Variants in ZBTB20 observed in about 807,000 individuals in gnomAD.
ZBTB20 encodes zinc finger and BTB domain-containing protein 20.
ZBTB20 carries 9 observed loss-of-function variants against 56.9 expected under a neutral mutation model. That is an observed-to-expected ratio of 0.16 (90% CI 0.10 to 0.28). The LOEUF (loss-of-function observed/expected upper bound fraction) is 0.28, where lower values mean the gene tolerates loss of function less well. Among genes scored for constraint, ZBTB20 ranks in the 10% least tolerant of loss-of-function variants. The pLI is 1.00. For synonymous variants in ZBTB20, 417 were observed against 420.7 expected (o/e 0.99, Z 0.11); for missense variants, 655 against 1,003.0 (o/e 0.65, Z 4.69).
intron 3 of ZBTB20, among the ~76,000 whole-genome samples, chr3:114,902,832 A>AC (rs2075173781): frequency 6.6e-6 from 1 of 152,200 alleles, no homozygotes; most frequent in Admixed American, 6.6e-5. Flanking sequence ...TCCTGCTAAA[A>AC]GACACTGTTA....
At chr3:114,492,889 A>T (rs1239844441) in intron 7 of ZBTB20, among the ~76,000 whole-genome samples, 3 of 152,210 alleles carry the variant, frequency 2.0e-5, no homozygotes, top group African/African-American at 7.2e-5. Context: ...TTATATGCAC[A>T]TGAGTATGTG....
At chr3:114,915,602 ATTAT>A (rs1346019155) in intron 3 of ZBTB20, among the ~76,000 whole-genome samples, 1 of 151,528 alleles carries the variant, frequency 6.6e-6, no homozygotes, top group Non-Finnish European at 1.5e-5. Context: ...ACTGATCTTT[ATTAT>A]TTATTTAATT....
Position 114,777,256 on chromosome 3 carries a change from C to T in ZBTB20, c.-343+23845G>A, listed in dbSNP as rs191179646. Among the ~76,000 whole-genome samples, 291 of 152,128 alleles carry T rather than the reference C, an allele frequency of 1.9e-3. 2 individuals are homozygous for T. The highest frequency in any genetic ancestry group is 6.8e-3 in the African/African-American group (282 of 41,516). On this transcript the variant is annotated intron_variant, in intron 5 of 11. Transcript: ENST00000675478. Reference sequence around the variant, plus strand: ...TAACTTGGCTGGGCATGGTGGCTCACACCTGTAATCCCAGCACTTTGGGAG... The same window carrying T: ...TAACTTGGCTGGGCATGGTGGCTCATACCTGTAATCCCAGCACTTTGGGAG...
intron 4 of ZBTB20, among the ~76,000 whole-genome samples, chr3:114,883,085 C>A (rs1197492247): frequency 1.4e-4 from 22 of 152,122 alleles, no homozygotes; most frequent in Non-Finnish European, 5.9e-5. Context: ...CTGTAAGTTA[C>A]CTTATAGTTC....
intron 6 of ZBTB20, among the ~76,000 whole-genome samples, chr3:114,566,778 G>GTTT (rs1559969067): frequency 1.3e-5 from 2 of 152,144 alleles, no homozygotes; most frequent in East Asian, 3.9e-4. Flanking sequence ...GATGCAAAAT[G>GTTT]TATCACTTTA....
intron 6 of ZBTB20, among the ~76,000 whole-genome samples, chr3:114,515,381 A>G (rs967868941): frequency 2.0e-5 from 3 of 152,204 alleles, no homozygotes; most frequent in Admixed American, 1.3e-4. Flanking sequence ...TCTGGAGCTC[A>G]GATGAACCCA....
intron 5 of ZBTB20, among the ~76,000 whole-genome samples, chr3:114,790,326 T>C (rs1005528628): frequency 3.9e-5 from 6 of 152,194 alleles, no homozygotes; most frequent in African/African-American, 1.4e-4. Flanking sequence ...GATTCCTTTT[T>C]TTGTTCCCAA....
intron 6 of ZBTB20, among the ~76,000 whole-genome samples, chr3:114,617,503 T>G (rs1215407012): frequency 6.6e-6 from 1 of 152,226 alleles, no homozygotes; most frequent in Non-Finnish European, 1.5e-5. Context: ...CATCCTTCAG[T>G]TACGGCACTT....
chr3:114,644,022 ATAT>A (rs772480163), intron 6 of ZBTB20, among the ~76,000 whole-genome samples: 3 of 152,074 alleles, frequency 2.0e-5, no homozygotes, highest in Non-Finnish European at 4.4e-5. Flanking sequence ...ATTTGGACAA[ATAT>A]TATAAAATGA....
At chr3:114,681,349 T>C (rs2061962157) in intron 6 of ZBTB20, among the ~76,000 whole-genome samples, 1 of 151,720 alleles carries the variant, frequency 6.6e-6, no homozygotes, top group African/African-American at 2.4e-5. Context: ...TTAGTAGAGT[T>C]GGGGTTTTGC....
At chr3:115,026,632 T>G (rs1356110237) in intron 2 of ZBTB20, among the ~76,000 whole-genome samples, 2 of 150,790 alleles carry the variant, frequency 1.3e-5, no homozygotes, top group African/African-American at 4.8e-5. Flanking sequence ...TATACAATTA[T>G]CATTTTTCTC....
intron 5 of ZBTB20, among the ~76,000 whole-genome samples, chr3:114,709,382 TA>T (rs1450129440): frequency 6.6e-6 from 1 of 152,002 alleles, no homozygotes; most frequent in Non-Finnish European, 1.5e-5. Flanking sequence ...AAGGAAGCCT[TA>T]AAAGGCCAAG....
At chr3:114,847,154 A>G (rs1475744893) in intron 4 of ZBTB20, among the ~76,000 whole-genome samples, 1 of 152,160 alleles carries the variant, frequency 6.6e-6, no homozygotes, top group Non-Finnish European at 1.5e-5. Context: ...AAGGAATCGG[A>G]CTAATTTTTT....
At chr3:114,596,022 T>C (rs1369440775) in intron 6 of ZBTB20, among the ~76,000 whole-genome samples, 1 of 152,196 alleles carries the variant, frequency 6.6e-6, no homozygotes, top group African/African-American at 2.4e-5. Flanking sequence ...CGTTTGAAGA[T>C]GTAAATAGTT....
At chr3:114,898,116 G>T (rs2074962113) in intron 4 of ZBTB20, among the ~76,000 whole-genome samples, 1 of 152,040 alleles carries the variant, frequency 6.6e-6, no homozygotes. Context: ...TTAATATTCT[G>T]ATCTTAACTG....
chr3:115,046,994 G>A (rs1018207567), intron 2 of ZBTB20, among the ~76,000 whole-genome samples: 1 of 152,126 alleles, frequency 6.6e-6, no homozygotes, highest in African/African-American at 2.4e-5. Context: ...ACGTTAGATG[G>A]TATCTGTTTT....
chr3:115,008,577 T>C (rs1202405283), intron 2 of ZBTB20, among the ~76,000 whole-genome samples: 1 of 151,872 alleles, frequency 6.6e-6, no homozygotes, highest in Non-Finnish European at 1.5e-5. Context: ...TAAACATAAT[T>C]TTACATATGA....
intron 5 of ZBTB20, among the ~76,000 whole-genome samples, chr3:114,767,590 CAGAA>C (rs1260839886): frequency 1.4e-5 from 2 of 145,902 alleles, no homozygotes; most frequent in African/African-American, 2.5e-5. Flanking sequence ...AGGAAGGAAA[CAGAA>C]AGGGAGGAGG....
chr3:114,546,741 A>AG (rs1205575283), intron 6 of ZBTB20, among the ~76,000 whole-genome samples: 2 of 152,174 alleles, frequency 1.3e-5, no homozygotes, highest in African/African-American at 4.8e-5. Context: ...GCTGGGAATG[A>AG]GGGAAAAACA....
Sources: allele counts gnomAD v4.1 joint callset (sites outside exome capture counted in the v4.1 genomes callset), GRCh38; gene constraint gnomAD v4.1.1; transcripts MANE v1.5; gene names NCBI Gene and HGNC (gene_info 2026-07-23, HGNC 2026-07-21).